Variants in DCHS2 observed in about 807,000 individuals in gnomAD.
The protein encoded by DCHS2 is protocadherin-23.
A neutral mutation model predicts 182.4 loss-of-function variants in DCHS2; 142 were observed. The observed-to-expected ratio is 0.78, with a 90% CI of 0.68 to 0.89. The LOEUF (loss-of-function observed/expected upper bound fraction) is 0.89, where lower values mean the gene tolerates loss of function less well. Ranked by LOEUF, DCHS2 falls within the 40% of genes least tolerant of loss-of-function variation. The pLI, the probability that DCHS2 is intolerant of heterozygous loss-of-function variation, is 0.00. For synonymous variants in DCHS2, 1,740 were observed against 1,663.3 expected, an observed-to-expected ratio of 1.05 and a Z score of -1.12; for missense variants, 4,319 against 4,198.6, an observed-to-expected ratio of 1.03 and a Z score of -0.79.
intron 3 of DCHS2, chr4:154,343,695 A>G (rs1578988776): frequency 2.2e-6 from 3 of 1,341,542 alleles, no homozygotes; most frequent in East Asian, 2.6e-5. Context: ...GCTTTGGCTT[A>G]AGGGAATGAT....
At chr4:154,461,174 C>T (rs572214525) in intron 1 of DCHS2, among the ~76,000 whole-genome samples, 1 of 152,288 alleles carries the variant, frequency 6.6e-6, no homozygotes, top group Admixed American at 6.5e-5. Context: ...GCAATAGTAT[C>T]ACCAAAATTC....
At chr4:154,360,994 C>T (rs1188609811) in intron 3 of DCHS2, among the ~76,000 whole-genome samples, 1 of 152,152 alleles carries the variant, frequency 6.6e-6, no homozygotes, top group Non-Finnish European at 1.5e-5. Context: ...AGAACACGGC[C>T]TGCTGCATCA....
intron 1 of DCHS2, among the ~76,000 whole-genome samples, chr4:154,438,390 A>C (rs1733867646): frequency 6.6e-6 from 1 of 152,224 alleles, no homozygotes; most frequent in South Asian, 2.1e-4. Context: ...TTCTTGTCTA[A>C]TCATGAGCCA....
intron 12 of DCHS2, among the ~76,000 whole-genome samples, chr4:154,302,893 T>C (rs989632407): frequency 6.8e-6 from 1 of 147,428 alleles, no homozygotes; most frequent in Non-Finnish European, 1.5e-5. Flanking sequence ...GAAATATATA[T>C]ACGTGTATAT....
At chr4:154,385,407 C>T (rs1396643530) in intron 1 of DCHS2, among the ~76,000 whole-genome samples, 1 of 152,114 alleles carries the variant, frequency 6.6e-6, no homozygotes, top group Non-Finnish European at 1.5e-5. Flanking sequence ...GTCTTTATAG[C>T]AGCATGTTTA....
chr4:154,234,964 C>G lies in DCHS2; in HGVS notation c.9688G>C (p.Asp3230His), dbSNP rs779241751. Residue 3230 changes from aspartate (D) to histidine (H), a missense_variant, in exon 20 of 20, where the codon GAC becomes CAC. By Grantham distance (81) the Asp-to-His change is moderately conservative. Transcript: ENST00000357232. ...TQTTSDHDGK[D>H]NYHWNYLLSW... ...AGAAGATAATTCCAGTGATAGTTGTCTTTTCCATCATGATCAGAGGTCGTC... is the reference window on the plus strand; with the variant it reads ...AGAAGATAATTCCAGTGATAGTTGTGTTTTCCATCATGATCAGAGGTCGTC... The G allele has an allele frequency of 1.2e-6, 2 of 1,614,074 alleles. No homozygotes were observed. The highest frequency in any genetic ancestry group is 1.7e-6 in the Non-Finnish European group (2 of 1,179,980).
chr4:154,288,275 A>G (rs544491179), intron 13 of DCHS2, among the ~76,000 whole-genome samples: 4 of 152,184 alleles, frequency 2.6e-5, no homozygotes. Flanking sequence ...AAAAGTAGCT[A>G]TATTTATATC....
chr4:154,300,410 G>A (rs943188046), intron 12 of DCHS2, among the ~76,000 whole-genome samples: 6 of 149,344 alleles, frequency 4.0e-5, no homozygotes, highest in Non-Finnish European at 8.8e-5. Context: ...AAATAGGATG[G>A]TTCCTGTAAT....
At chr4:154,441,390 G>C (rs79808550) in intron 1 of DCHS2, among the ~76,000 whole-genome samples, 2,640 of 152,194 alleles carry the variant, frequency 0.017, 62 homozygotes, top group African/African-American at 0.06. Context: ...AGTAAATAAT[G>C]TTCTTTTTCC....
chr4:154,465,965 T>C (rs1271512565), intron 1 of DCHS2, among the ~76,000 whole-genome samples: 1 of 152,206 alleles, frequency 6.6e-6, no homozygotes, highest in Non-Finnish European at 1.5e-5. Flanking sequence ...AGCTGCATTG[T>C]CAGACAGAGG....
Position 154,443,915 on chromosome 4 carries a change from T to C in DCHS2, c.2052+45389A>G, listed in dbSNP as rs571409292. ...GCTGCTCACTGCTTGTGGCCCATTC[T>C]TAGCCCTCATTTGTATCCAGCTTTC... is the stretch of plus-strand genomic sequence containing the variant. On this transcript the variant is annotated intron_variant, in intron 1 of 19. Transcript: ENST00000357232. Among the ~76,000 whole-genome samples, 4 of 152,360 alleles carry C rather than the reference T, an allele frequency of 2.6e-5. No homozygotes were observed. In the South Asian group the frequency reaches 6.2e-4, roughly 24 times the overall value.
Position 154,333,283 on chromosome 4 carries a change from G to A in DCHS2, c.2925C>T (p.Asn975=). The change falls in exon 5 of 20, where the codon AAC becomes AAT. Residue 975 remains asparagine (N), a synonymous_variant. Coordinates refer to ENST00000357232, the MANE Select transcript of DCHS2 (RefSeq NM_001358235.2). ...CCGAGGTCCTGAGGAACGCTGGGTG[G>A]TTGTCATTGACATCCATGACTGTTA... ...VNITVMDVND[N]HPAFLRTSDE... 2 of 1,614,226 alleles carry A rather than the reference G, an allele frequency of 1.2e-6. No homozygotes were observed. The highest frequency in any genetic ancestry group is 1.7e-6 in the Non-Finnish European group (2 of 1,180,038).
At chr4:154,357,477 C>A (rs1236124995) in intron 3 of DCHS2, among the ~76,000 whole-genome samples, 2 of 152,150 alleles carry the variant, frequency 1.3e-5, no homozygotes, top group African/African-American at 2.4e-5. Context: ...TATCACCAGA[C>A]CCTTGGATGA....
intron 13 of DCHS2, 30 bp from the exon 14 acceptor site, chr4:154,270,043 A>G: frequency 6.4e-7 from 1 of 1,567,940 alleles, no homozygotes; most frequent in Non-Finnish European, 8.6e-7. Context: ...AAAGAACTCC[A>G]TTAGGATAAA....
intron 19 of DCHS2, among the ~76,000 whole-genome samples, chr4:154,238,660 GTGGTTTCCAGT>G (rs1300500291): frequency 6.6e-6 from 1 of 152,154 alleles, no homozygotes; most frequent in Admixed American, 6.5e-5. Flanking sequence ...AAACACCACA[GTGGTTTCCAGT>G]TGGTAGAGAT....
chr4:154,265,767 A>G (rs1394059673), intron 14 of DCHS2, among the ~76,000 whole-genome samples: 1 of 151,856 alleles, frequency 6.6e-6, no homozygotes, highest in African/African-American at 2.4e-5. Context: ...CAAAAAAAAA[A>G]GAGAAAGGAA....
intron 1 of DCHS2, among the ~76,000 whole-genome samples, chr4:154,456,865 A>G (rs540368768): frequency 6.6e-6 from 1 of 152,190 alleles, no homozygotes; most frequent in Non-Finnish European, 1.5e-5. Flanking sequence ...TATTTGGGCT[A>G]TAAGTAGGTA....
intron 8 of DCHS2, 117 bp downstream of exon 8, chr4:154,322,214 A>G: frequency 1.5e-6 from 2 of 1,375,118 alleles, no homozygotes; most frequent in Non-Finnish European, 2.0e-6. Context: ...GTATTCATGT[A>G]ACATACATAC....
chr4:154,394,458 C>T (rs1210425613), intron 1 of DCHS2, among the ~76,000 whole-genome samples: 1 of 152,170 alleles, frequency 6.6e-6, no homozygotes, highest in Admixed American at 6.5e-5. Context: ...AACCGAATAA[C>T]TCATCTCTAG....
Sources: allele counts gnomAD v4.1 joint callset (sites outside exome capture counted in the v4.1 genomes callset), GRCh38; gene constraint gnomAD v4.1.1; transcripts MANE v1.5; gene names NCBI Gene and HGNC (gene_info 2026-07-23, HGNC 2026-07-21).